GAS7: variants seen among roughly 807,000 people sequenced by gnomAD.
GAS7 encodes growth arrest-specific protein 7.
A neutral mutation model predicts 71.1 loss-of-function variants in GAS7; 28 were observed. The observed-to-expected ratio is 0.39, with a 90% CI of 0.29 to 0.54. GAS7 has a LOEUF of 0.54. Ranked by LOEUF, GAS7 falls within the 20% of genes least tolerant of loss-of-function variation. The pLI is 0.62. For synonymous variants in GAS7, 258 were observed against 245.8 expected, an observed-to-expected ratio of 1.05 and a Z score of -0.46; for missense variants, 436 against 627.8, an observed-to-expected ratio of 0.69 and a Z score of 3.27.
intron 5 of GAS7, among the ~76,000 whole-genome samples, chr17:9,951,672 G>T (rs2069012617): frequency 1.4e-5 from 2 of 147,932 alleles, no homozygotes; most frequent in Non-Finnish European, 3.0e-5. Context: ...CAGGAGAATC[G>T]CTTGAACCTG....
chr17:10,115,181 C>T (rs1401523952), intron 1 of GAS7, among the ~76,000 whole-genome samples: 1 of 152,212 alleles, frequency 6.6e-6, no homozygotes, highest in African/African-American at 2.4e-5. Flanking sequence ...AGGACGGGGG[C>T]TTATGGGATG....
intron 2 of GAS7, among the ~76,000 whole-genome samples, chr17:9,986,677 C>A (rs1170059139): frequency 6.6e-6 from 1 of 152,180 alleles, no homozygotes; most frequent in African/African-American, 2.4e-5. Context: ...CCTTTCCCTG[C>A]CCTCACTGGC....
intron 1 of GAS7, among the ~76,000 whole-genome samples, chr17:10,132,130 AAATGTACGCATG>A (rs2074002058): frequency 6.6e-6 from 1 of 152,246 alleles, no homozygotes; most frequent in African/African-American, 2.4e-5. Flanking sequence ...TACTGCATGA[AAATGTACGCATG>A]AATGTATGAA....
At chr17:10,101,855 C>T (rs781739066) in intron 1 of GAS7, among the ~76,000 whole-genome samples, 8 of 152,286 alleles carry the variant, frequency 5.3e-5, no homozygotes, top group South Asian at 4.1e-4. Context: ...CAGTTTTTCA[C>T]GCTCTTTGTG....
At chr17:10,183,091 T>C (rs546936573) in intron 1 of GAS7, among the ~76,000 whole-genome samples, 1 of 151,882 alleles carries the variant, frequency 6.6e-6, no homozygotes, top group East Asian at 1.9e-4. Context: ...CAGCTTCCCT[T>C]GCTTTCACTT....
At chr17:10,154,278 C>T (rs1293354761) in intron 1 of GAS7, among the ~76,000 whole-genome samples, 2 of 152,108 alleles carry the variant, frequency 1.3e-5, no homozygotes, top group African/African-American at 4.8e-5. Flanking sequence ...GCAGGAGGAT[C>T]ACTTGAGCTC....
intron 1 of GAS7, among the ~76,000 whole-genome samples, chr17:10,179,958 G>A (rs925870192): frequency 1.3e-5 from 2 of 152,182 alleles, no homozygotes; most frequent in African/African-American, 2.4e-5. Flanking sequence ...CTGGTGTCAA[G>A]CTCTCAGTGG....
At chr17:9,932,581 A>AT (rs1353613191) in intron 9 of GAS7, among the ~76,000 whole-genome samples, 1 of 152,030 alleles carries the variant, frequency 6.6e-6, no homozygotes, top group East Asian at 1.9e-4. Context: ...GATTTAGTTT[A>AT]TTTTTCATCT....
chr17:10,086,536 A>G (rs1258446997), intron 1 of GAS7, among the ~76,000 whole-genome samples: 2 of 152,222 alleles, frequency 1.3e-5, no homozygotes, highest in Admixed American at 6.5e-5. Context: ...ATGGTGACAG[A>G]GTTTGAGTGA....
intron 1 of GAS7, among the ~76,000 whole-genome samples, chr17:10,047,427 A>G (rs2072994124): frequency 6.6e-6 from 1 of 152,208 alleles, no homozygotes; most frequent in Non-Finnish European, 1.5e-5. Flanking sequence ...ACCTTCCCCC[A>G]AGCCGACAGT....
rs554594604 is a variant in GAS7 at position 9,988,849 on chromosome 17, C to CTTTT, written c.305-6969_305-6966dup. 3.2e-4 allele frequency among the ~76,000 whole-genome samples: 42 copies of CTTTT among 131,766 alleles called. 1 individual carries two copies. The highest frequency in any genetic ancestry group is 7.2e-4 in the South Asian group (3 of 4,142). The allele number at this position is 131,766 out of a possible 152,430, so 86.4% of individuals were successfully genotyped here. A position where few individuals can be genotyped will look rare whatever the true frequency, so the allele number is the denominator to read the frequency against. ...CCTATGAGATAGGTGCTGTCATTTC[C>CTTTT]TTTTTTTTTTTTTTTTTGAGACGGA... On this transcript the variant is annotated intron_variant, in intron 2 of 13. Coordinates refer to ENST00000432992, the MANE Select transcript of GAS7 (RefSeq NM_201433.2).
intron 1 of GAS7, among the ~76,000 whole-genome samples, chr17:10,125,678 G>A (rs1478704253): frequency 6.6e-6 from 1 of 152,016 alleles, no homozygotes; most frequent in Admixed American, 6.6e-5. Flanking sequence ...GCAGGGTGGT[G>A]TAGAGAATGA....
At chr17:9,931,898 C>G (rs1287528564) in intron 9 of GAS7, among the ~76,000 whole-genome samples, 2 of 152,118 alleles carry the variant, frequency 1.3e-5, no homozygotes, top group Non-Finnish European at 2.9e-5. Context: ...CTTCTGTGTG[C>G]CGAGTACCAC....
chr17:10,166,892 A>C (rs1317946794), intron 1 of GAS7, among the ~76,000 whole-genome samples: 2 of 152,122 alleles, frequency 1.3e-5, no homozygotes, highest in African/African-American at 4.8e-5. Context: ...ACATTCGATC[A>C]AAGGCTCCAG....
At chr17:9,992,807 C>T (rs973111342) in intron 2 of GAS7, among the ~76,000 whole-genome samples, 14 of 147,336 alleles carry the variant, frequency 9.5e-5, no homozygotes, top group Non-Finnish European at 1.5e-5. Context: ...TCCTGTGTCC[C>T]TGTGTTCTCA....
intron 5 of GAS7, among the ~76,000 whole-genome samples, chr17:9,951,760 C>CAAAAAAAAAAAA (rs59048492): frequency 1.4e-4 from 10 of 69,016 alleles, no homozygotes; most frequent in African/African-American, 4.2e-4. Flanking sequence ...AACTCTGTCT[C>CAAAAAAAAAAAA]AAAAAAAAAA....
At chr17:9,973,886 G>A (rs1292396909) in intron 3 of GAS7, among the ~76,000 whole-genome samples, 6 of 152,168 alleles carry the variant, frequency 3.9e-5, no homozygotes. Flanking sequence ...AAATGCACAA[G>A]TTTTTATCTG....
In GAS7 at chr17:9,964,782, G is replaced by A. The variant is rs1481587953; in HGVS notation, c.471+4895C>T. Among the ~76,000 whole-genome samples the A allele has an allele frequency of 3.9e-5, 6 of 152,180 alleles. 1 individual carries two copies. Among genetic ancestry groups the A allele is most frequent in the Admixed American group, 3.9e-4 (6 of 15,290 alleles). On this transcript the variant is annotated intron_variant, in intron 4 of 13. Transcript: ENST00000432992. ...ACACCAGCCATAAAACTCCATCAAC[G>A]CAGGGCTATAGATATCACCTGTGTC...
In GAS7 at chr17:9,919,490, C is replaced by G. The variant is rs1280941413; in HGVS notation, c.1218+136G>C. ...AAGCTGGCTCACATTGAGGTTTCGA[C>G]CCCAACACTGAAGTAGATTTGATGA... On this transcript the variant is annotated intron_variant, in intron 12 of 13. Transcript: ENST00000432992. This position sits in a 1 kb window ranked among gnomAD's most constrained non-coding sequence, Gnocchi z 5.0. 3 of 745,156 alleles carry G rather than the reference C, an allele frequency of 4.0e-6. No homozygotes were observed. The African/African-American group carries it at 5.1e-5, about 13-fold the overall frequency. 46.2% of individuals were successfully genotyped at this position (745,156 alleles called of 1,614,324 possible). A position where few individuals can be genotyped will look rare whatever the true frequency, so the allele number is the denominator to read the frequency against.
Sources: allele counts gnomAD v4.1 joint callset (sites outside exome capture counted in the v4.1 genomes callset), GRCh38; gene constraint gnomAD v4.1.1; non-coding constraint Gnocchi (gnomAD v3.1); transcripts MANE v1.5; gene names NCBI Gene and HGNC (gene_info 2026-07-23, HGNC 2026-07-21).